Variants in PEX5L observed in about 807,000 individuals in gnomAD.
PEX5L encodes peroxisomal biogenesis factor 5 like, also known as PEX5-related protein.
In PEX5L, 30 loss-of-function variants were observed where a neutral mutation model predicts 84.0. The ratio of observed to expected loss-of-function variants is 0.36; its 90% CI spans 0.27 to 0.48. The LOEUF (loss-of-function observed/expected upper bound fraction) is 0.48. PEX5L is among the 20% of genes least tolerant of loss of function. The pLI is 0.99. For synonymous variants in PEX5L, 270 were observed against 283.1 expected, an observed-to-expected ratio of 0.95 and a Z score of 0.46; for missense variants, 533 against 754.6, an observed-to-expected ratio of 0.71 and a Z score of 3.44.
intron 1 of PEX5L, chr3:179,973,358 G>T: frequency 1.7e-6 from 2 of 1,165,760 alleles, no homozygotes; most frequent in Non-Finnish European, 2.2e-6. Flanking sequence ...AACAATAATT[G>T]AAGTATTCCT....
At chr3:179,996,808 C>T (rs1787929952) in intron 1 of PEX5L, among the ~76,000 whole-genome samples, 2 of 152,224 alleles carry the variant, frequency 1.3e-5, no homozygotes, top group South Asian at 4.1e-4. Context: ...GCAAGGTGGG[C>T]GTAGCTACTG....
chr3:179,837,500 T>G (rs574258544), intron 8 of PEX5L, among the ~76,000 whole-genome samples: 2 of 152,324 alleles, frequency 1.3e-5, no homozygotes, highest in East Asian at 1.9e-4. Flanking sequence ...TGATGAAGCA[T>G]TGGATCCATT....
chr3:179,853,130 A>G (rs754107875), intron 8 of PEX5L, among the ~76,000 whole-genome samples: 5 of 152,102 alleles, frequency 3.3e-5, no homozygotes, highest in African/African-American at 7.2e-5. Context: ...ATGGTAAGCT[A>G]TACTTGAGTG....
At chr3:180,036,452 GGTC>G in intron 1 of PEX5L, 124 bp downstream of exon 1, 1 of 903,606 alleles carries the variant, frequency 1.1e-6, no homozygotes, top group Non-Finnish European at 1.9e-6. Context: ...GAAATGTCAC[GGTC>G]ATGTTGCATC....
chr3:180,023,553 G>C (rs1421871764), intron 1 of PEX5L, among the ~76,000 whole-genome samples: 1 of 152,006 alleles, frequency 6.6e-6, no homozygotes, highest in African/African-American at 2.4e-5. Flanking sequence ...TGGGGGAATC[G>C]GCCCTGACCA....
intron 1 of PEX5L, among the ~76,000 whole-genome samples, chr3:180,000,179 C>T (rs1788266462): frequency 6.6e-6 from 1 of 152,096 alleles, no homozygotes. Context: ...CCAGGAGACA[C>T]ACAATTTCAT....
intron 2 of PEX5L, among the ~76,000 whole-genome samples, chr3:179,905,660 T>A (rs1323181903): frequency 1.3e-5 from 2 of 152,062 alleles, no homozygotes; most frequent in Non-Finnish European, 2.9e-5. Context: ...GCCATTTTTT[T>A]TTTTCCTGAC....
chr3:179,973,071 T>C (rs1021404553), intron 1 of PEX5L: 1 of 676,446 alleles, frequency 1.5e-6, no homozygotes, highest in Admixed American at 4.1e-5. Context: ...ATTCTTTTTG[T>C]TCACTGGTTG....
Position 179,937,005 on chromosome 3 carries a change from A to G in PEX5L, c.93+34589T>C, listed in dbSNP as rs142216993. On this transcript the variant is annotated intron_variant, in intron 2 of 14. Coordinates refer to ENST00000467460, the MANE Select transcript of PEX5L (RefSeq NM_016559.3). Reference sequence around the variant, plus strand: ...GAGTGAGGTTGGTGAATTATCTTGTACTAAAACAGAATCAGTGGGGTATTA... The same window carrying G: ...GAGTGAGGTTGGTGAATTATCTTGTGCTAAAACAGAATCAGTGGGGTATTA... Among the ~76,000 whole-genome samples, 100 of 36,602 alleles carry G rather than the reference A, an allele frequency of 2.7e-3. 31 individuals are homozygous for G. The highest frequency in any genetic ancestry group is 8.4e-3 in the African/African-American group (83 of 9,862). The allele number at this position is 36,602 out of a possible 152,430, so 24.0% of individuals were successfully genotyped here.
chr3:180,007,544 G>A (rs1561055186), intron 1 of PEX5L, among the ~76,000 whole-genome samples: 2 of 152,208 alleles, frequency 1.3e-5, no homozygotes, highest in Admixed American at 1.3e-4. Context: ...TAGTGTGGGA[G>A]CTCCCACCCC....
intron 1 of PEX5L, among the ~76,000 whole-genome samples, chr3:180,021,806 C>G (rs1208703299): frequency 1.3e-5 from 2 of 152,114 alleles, no homozygotes; most frequent in African/African-American, 4.8e-5. Context: ...GGTTTGTGGA[C>G]AAATATTGAG....
intron 9 of PEX5L, among the ~76,000 whole-genome samples, chr3:179,818,126 G>T (rs1726863343): frequency 1.3e-5 from 2 of 152,152 alleles, no homozygotes; most frequent in Non-Finnish European, 2.9e-5. Flanking sequence ...AGTACTTAGT[G>T]TAAGAGTAGA....
intron 1 of PEX5L, among the ~76,000 whole-genome samples, chr3:179,982,369 T>C (rs1306549044): frequency 6.6e-6 from 1 of 152,178 alleles, no homozygotes; most frequent in Non-Finnish European, 1.5e-5. Context: ...GTCTACAAGA[T>C]CACAGTATCC....
chr3:180,022,992 C>T lies in PEX5L; in HGVS notation c.21+13587G>A, dbSNP rs1002587911. Among the ~76,000 whole-genome samples the T allele has an allele frequency of 9.6e-4, 146 of 152,250 alleles. 1 individual carries two copies. Among genetic ancestry groups the T allele is most frequent in the Admixed American group, 9.3e-3 (142 of 15,290 alleles). On this transcript the variant is annotated intron_variant, in intron 1 of 14. Transcript: ENST00000467460. The stretch of plus-strand genomic sequence containing the variant: ...AGTGATTTCTACCCTCCAAGGCCAC[C>T]GCAATGTCCAGAAAACTTGCAAAAT...
intron 1 of PEX5L, among the ~76,000 whole-genome samples, chr3:179,986,336 AGTTT>A (rs1786814725): frequency 1.3e-5 from 2 of 150,852 alleles, no homozygotes; most frequent in Admixed American, 6.6e-5. Flanking sequence ...TAATTCCTTG[AGTTT>A]GTTTGTATTT....
intron 1 of PEX5L, among the ~76,000 whole-genome samples, chr3:180,024,615 G>T (rs1790772536): frequency 6.6e-6 from 1 of 151,604 alleles, no homozygotes; most frequent in African/African-American, 2.4e-5. Flanking sequence ...CAAGTCCACT[G>T]GATGACCATT....
At chr3:179,971,727 C>T in intron 1 of PEX5L, 62 bp from the exon 2 acceptor site, 1 of 1,420,640 alleles carries the variant, frequency 7.0e-7, no homozygotes, top group Non-Finnish European at 9.4e-7. Flanking sequence ...CTTAATTCTA[C>T]TTAATATTTT....
intron 1 of PEX5L, among the ~76,000 whole-genome samples, chr3:180,001,434 T>C (rs1427663177): frequency 6.6e-6 from 1 of 150,650 alleles, no homozygotes; most frequent in Non-Finnish European, 1.5e-5. Context: ...ACCCACCGTC[T>C]CTCTGATAAA....
intron 3 of PEX5L, among the ~76,000 whole-genome samples, chr3:179,892,781 A>T (rs1415271803): frequency 2.0e-5 from 3 of 152,170 alleles, no homozygotes; most frequent in Non-Finnish European, 4.4e-5. Context: ...GGCTTCTACC[A>T]AGAAGTCAAA....
Sources: allele counts gnomAD v4.1 joint callset (sites outside exome capture counted in the v4.1 genomes callset), GRCh38; gene constraint gnomAD v4.1.1; transcripts MANE v1.5; gene names NCBI Gene and HGNC (gene_info 2026-07-23, HGNC 2026-07-21).